CIRSR: variants seen among roughly 807,000 people sequenced by gnomAD.
The protein encoded by CIRSR is CBF1 (RBPJ) interacting corepressor 1.
the CIRSR span, among the ~76,000 whole-genome samples, chr2:174,382,753 T>C: frequency 6.6e-6 from 1 of 152,146 alleles, no homozygotes; most frequent in Non-Finnish European, 1.5e-5. Context: ...CAAAGTTCCC[T>C]GTTTGAGCTC....
the CIRSR span, among the ~76,000 whole-genome samples, chr2:174,357,863 T>G: frequency 6.6e-6 from 1 of 152,126 alleles, no homozygotes; most frequent in Non-Finnish European, 1.5e-5. Context: ...TAATAAAGTG[T>G]GTGGGTGATT....
At chr2:174,380,414 T>C in the CIRSR span, among the ~76,000 whole-genome samples, 3 of 152,202 alleles carry the variant, frequency 2.0e-5, no homozygotes, top group South Asian at 4.1e-4. Flanking sequence ...CCAAACACCA[T>C]TTAGTTATTA....
At chr2:174,394,616 G>T in the CIRSR span, among the ~76,000 whole-genome samples, 1 of 152,022 alleles carries the variant, frequency 6.6e-6, no homozygotes, top group Admixed American at 6.6e-5. Context: ...TTTCATGGGG[G>T]AGTTATTAAG....
the CIRSR span, among the ~76,000 whole-genome samples, chr2:174,390,927 G>T: frequency 6.6e-6 from 1 of 152,190 alleles, no homozygotes; most frequent in Non-Finnish European, 1.5e-5. Flanking sequence ...CTGCAGAACT[G>T]CAAGTCAATT....
chr2:174,348,177 TG>T, the CIRSR span: 1 of 228,498 alleles, frequency 4.4e-6, no homozygotes. Flanking sequence ...CTTTTAATGA[TG>T]TTTCAGAACA....
chr2:174,350,591 A>T, the CIRSR span: 1 of 948,658 alleles, frequency 1.1e-6, no homozygotes, highest in South Asian at 1.7e-5. Context: ...TTAGGATCAG[A>T]GTTGAATACG....
At chr2:174,351,847 C>T in the CIRSR span, 2 of 581,692 alleles carry the variant, frequency 3.4e-6, no homozygotes, top group Non-Finnish European at 5.7e-6. Context: ...ACTCAATAAT[C>T]TTCTGCTGAG....
At chr2:174,382,467 C>T in the CIRSR span, among the ~76,000 whole-genome samples, 3 of 152,060 alleles carry the variant, frequency 2.0e-5, no homozygotes, top group Non-Finnish European at 2.9e-5. Context: ...GCAGAAACCC[C>T]GTCTCTACCA....
At chr2:174,362,754 C>T in the CIRSR span, among the ~76,000 whole-genome samples, 9 of 146,836 alleles carry the variant, frequency 6.1e-5, no homozygotes, top group South Asian at 8.9e-4. Context: ...CAGGGCAAAC[C>T]GCTGCCCTGA....
At chr2:174,349,085 A>T in the CIRSR span, 2 of 1,550,920 alleles carry the variant, frequency 1.3e-6, no homozygotes, top group Non-Finnish European at 1.7e-6. Context: ...AAGAGGACTT[A>T]TGTTTTTTGT....
the CIRSR span, among the ~76,000 whole-genome samples, chr2:174,378,153 TTC>T: frequency 6.6e-6 from 1 of 152,146 alleles, no homozygotes; most frequent in Non-Finnish European, 1.5e-5. Flanking sequence ...CATGTAAGAT[TTC>T]TTAAAAGAAA....
the CIRSR span, among the ~76,000 whole-genome samples, chr2:174,368,857 A>T: frequency 6.6e-6 from 1 of 152,240 alleles, no homozygotes; most frequent in African/African-American, 2.4e-5. Context: ...ATCATGCTGT[A>T]AACAGATGTG....
the CIRSR span, among the ~76,000 whole-genome samples, chr2:174,391,209 G>A: frequency 2.0e-5 from 3 of 152,096 alleles, no homozygotes; most frequent in African/African-American, 7.2e-5. Flanking sequence ...CATTTGACAG[G>A]GTTTTGAAAA....
At chr2:174,364,819 C>A in the CIRSR span, among the ~76,000 whole-genome samples, 2 of 152,182 alleles carry the variant, frequency 1.3e-5, no homozygotes, top group African/African-American at 4.8e-5. Flanking sequence ...CTGGGCCTGG[C>A]ACACAAAACC....
chr2:174,364,634 C>T, the CIRSR span, among the ~76,000 whole-genome samples: 1 of 152,234 alleles, frequency 6.6e-6, no homozygotes, highest in Non-Finnish European at 1.5e-5. Context: ...GTTCCCAAAT[C>T]TCAATTCTTG....
At chr2:174,364,514 AT>A in the CIRSR span, among the ~76,000 whole-genome samples, 2 of 152,094 alleles carry the variant, frequency 1.3e-5, no homozygotes, top group Non-Finnish European at 2.9e-5. Context: ...CCAACCCCAC[AT>A]TTCCCTTCTG....
the CIRSR span, among the ~76,000 whole-genome samples, chr2:174,395,055 T>C: frequency 6.6e-6 from 1 of 152,238 alleles, no homozygotes; most frequent in Non-Finnish European, 1.5e-5. Flanking sequence ...ATTACTATGA[T>C]ATTCACCAAA....
chr2:174,395,514 C>T, the CIRSR span: 12 of 1,600,666 alleles, frequency 7.5e-6, no homozygotes, highest in Admixed American at 5.0e-5. Flanking sequence ...AAGGCGGTCC[C>T]TGTGGGCCTA....
chr2:174,351,694 C>T, the CIRSR span: 38 of 1,613,474 alleles, frequency 2.4e-5, no homozygotes, highest in Middle Eastern at 1.7e-4. Context: ...TTCTCATCTC[C>T]GCTATTAGCT....
Sources: allele counts gnomAD v4.1 joint callset (sites outside exome capture counted in the v4.1 genomes callset), GRCh38; gene constraint gnomAD v4.1.1; transcripts MANE v1.5; gene names NCBI Gene and HGNC (gene_info 2026-07-23, HGNC 2026-07-21).